GPHN: variants seen among roughly 807,000 people sequenced by gnomAD.
GPHN encodes the protein gephyrin.
GPHN carries 17 observed loss-of-function variants against 95.5 expected under a neutral mutation model. That is an observed-to-expected ratio of 0.18 (90% CI 0.12 to 0.27). The LOEUF is 0.27. GPHN is among the 10% of genes least tolerant of loss of function. The pLI is 1.00. For synonymous variants in GPHN, 320 were observed against 322.5 expected (o/e 0.99, Z 0.08); for missense variants, 660 against 978.1 (o/e 0.67, Z 4.34).
At chr14:66,789,082 T>G (rs1336206218) in intron 3 of GPHN, among the ~76,000 whole-genome samples, 3 of 152,234 alleles carry the variant, frequency 2.0e-5, no homozygotes, top group African/African-American at 7.2e-5. Flanking sequence ...GTGCTTTTAT[T>G]CCAATGTTCA....
At chr14:66,806,916 A>AT (rs2060566078) in intron 3 of GPHN, among the ~76,000 whole-genome samples, 2 of 152,108 alleles carry the variant, frequency 1.3e-5, no homozygotes, top group African/African-American at 2.4e-5. Context: ...TTCCTTTCAC[A>AT]TTTTTGGGTA....
At chr14:67,175,630 T>C (rs1461666508) in intron 21 of GPHN, among the ~76,000 whole-genome samples, 4 of 152,304 alleles carry the variant, frequency 2.6e-5, no homozygotes, top group East Asian at 3.9e-4. Flanking sequence ...CAGTGGTAGC[T>C]TTATGGGGAT....
intron 1 of GPHN, among the ~76,000 whole-genome samples, chr14:66,657,877 C>G (rs552950667): frequency 6.6e-6 from 1 of 152,128 alleles, no homozygotes; most frequent in Non-Finnish European, 1.5e-5. Context: ...ATTCTGCAGC[C>G]TATGGATTAG....
the GPHN span, chr14:67,677,060 ACT>A: frequency 6.6e-6 from 1 of 152,144 alleles, no homozygotes; most frequent in Non-Finnish European, 1.5e-5. Context: ...TGGTCCTATA[ACT>A]CTTTCCCCCA....
At chr14:67,138,183 T>C (rs1248298629) in intron 17 of GPHN, among the ~76,000 whole-genome samples, 1 of 152,228 alleles carries the variant, frequency 6.6e-6, no homozygotes, top group African/African-American at 2.4e-5. Flanking sequence ...ATACTACCTA[T>C]GTGAACCTCA....
At chr14:66,679,457 C>T (rs72726482) in intron 1 of GPHN, among the ~76,000 whole-genome samples, 8,914 of 152,066 alleles carry the variant, frequency 0.059, 358 homozygotes, top group Middle Eastern at 0.099. Context: ...TGCCATACTT[C>T]TTAAGTCAGA....
At chr14:67,055,660 C>T (rs2075529821) in intron 10 of GPHN, among the ~76,000 whole-genome samples, 1 of 152,234 alleles carries the variant, frequency 6.6e-6, no homozygotes, top group Non-Finnish European at 1.5e-5. Flanking sequence ...ACCCAAACGC[C>T]TATCAATGAT....
chr14:67,710,047 C>T, the GPHN span, among the ~76,000 whole-genome samples: 22 of 152,330 alleles, frequency 1.4e-4, 1 homozygote, highest in South Asian at 4.1e-3. Context: ...GAAGCTCCCT[C>T]CCCACTTAGA....
intron 9 of GPHN, among the ~76,000 whole-genome samples, chr14:67,002,750 T>C (rs1346657077): frequency 6.6e-6 from 1 of 151,608 alleles, no homozygotes; most frequent in Non-Finnish European, 1.5e-5. Context: ...CAATGCCTGA[T>C]ATGTGTAAGT....
chr14:66,528,776 G>C, intron 1 of GPHN, among the ~76,000 whole-genome samples: 1 of 152,178 alleles, frequency 6.6e-6, no homozygotes, highest in East Asian at 1.9e-4. Context: ...TTCTGTAAGA[G>C]TGTAGACTAT....
At chr14:67,301,195 T>G in the GPHN span, among the ~76,000 whole-genome samples, 10 of 152,086 alleles carry the variant, frequency 6.6e-5, no homozygotes, top group Non-Finnish European at 1.5e-5. Flanking sequence ...TTATTTAGTG[T>G]TTTTTTAATA....
chr14:66,686,430 C>T (rs2067366020), intron 2 of GPHN, among the ~76,000 whole-genome samples: 1 of 152,112 alleles, frequency 6.6e-6, no homozygotes, highest in East Asian at 1.9e-4. Flanking sequence ...TTTTGTTGAG[C>T]AGTGGTTTGT....
the GPHN span, among the ~76,000 whole-genome samples, chr14:67,566,370 G>A: frequency 6.6e-6 from 1 of 152,172 alleles, no homozygotes; most frequent in South Asian, 2.1e-4. Context: ...GTCAGGCAAG[G>A]AATGTGCAGC....
At chr14:67,551,872 T>TC in the GPHN span, among the ~76,000 whole-genome samples, 1 of 150,946 alleles carries the variant, frequency 6.6e-6, no homozygotes, top group Non-Finnish European at 1.5e-5. Context: ...TGAGATTCTG[T>TC]CTAAAAAAAA....
intron 1 of GPHN, among the ~76,000 whole-genome samples, chr14:66,553,554 T>C (rs1025918694): frequency 1.4e-4 from 21 of 152,040 alleles, no homozygotes; most frequent in African/African-American, 4.8e-4. Context: ...GTTAATCCTC[T>C]CCAATAATAT....
chr14:66,573,220 A>G (rs1169400660), intron 1 of GPHN, among the ~76,000 whole-genome samples: 1 of 152,196 alleles, frequency 6.6e-6, no homozygotes, highest in Non-Finnish European at 1.5e-5. Context: ...AATTTGGTCC[A>G]TAGTGCTGTT....
the GPHN span, chr14:67,650,731 G>A: frequency 4.3e-6 from 7 of 1,613,996 alleles, no homozygotes; most frequent in Non-Finnish European, 5.1e-6. Context: ...TATCAGCACT[G>A]GATCTTGTTG....
chr14:67,040,836 A>C (rs2074663991), intron 10 of GPHN, among the ~76,000 whole-genome samples: 1 of 152,156 alleles, frequency 6.6e-6, no homozygotes, highest in South Asian at 2.1e-4. Context: ...TCATGATGTC[A>C]GTTTATCCTA....
chr14:67,624,874 C>T, the GPHN span, among the ~76,000 whole-genome samples: 1 of 152,194 alleles, frequency 6.6e-6, no homozygotes, highest in Non-Finnish European at 1.5e-5. Flanking sequence ...AGAATTGTGG[C>T]ATTTTAACTT....
Sources: gnomAD v4.1 joint callset for allele counts (sites outside exome capture counted in the v4.1 genomes callset) on GRCh38, gnomAD v4.1.1 for gene constraint, MANE v1.5 for transcripts, NCBI Gene and HGNC (gene_info 2026-07-23, HGNC 2026-07-21) for gene names.